PTPN4: variants seen among roughly 807,000 people sequenced by gnomAD.
PTPN4 encodes the protein tyrosine-protein phosphatase non-receptor type 4.
In PTPN4, 49 loss-of-function variants were observed where a neutral mutation model predicts 135.5. The observed-to-expected ratio is 0.36, with a 90% CI of 0.29 to 0.46. PTPN4 has a LOEUF of 0.46. PTPN4 is among the 20% of genes least tolerant of loss of function. PTPN4 has a pLI of 1.00. For synonymous variants in PTPN4, 333 were observed against 369.9 expected (o/e 0.90, Z 1.14); for missense variants, 860 against 1,101.0 (o/e 0.78, Z 3.10).
chr2:119,867,539 A>G (rs917304461), intron 3 of PTPN4, among the ~76,000 whole-genome samples: 4 of 152,156 alleles, frequency 2.6e-5, no homozygotes, highest in East Asian at 3.8e-4. Flanking sequence ...TTCATTTCAA[A>G]TTGTTTATTT....
At chr2:119,823,474 C>G (rs183680024) in intron 2 of PTPN4, among the ~76,000 whole-genome samples, 74 of 152,304 alleles carry the variant, frequency 4.9e-4, no homozygotes, top group Admixed American at 4.6e-3. Flanking sequence ...ACCTCGTGAT[C>G]CACCCGCCTC....
chr2:119,764,735 C>A (rs763087861), intron 1 of PTPN4, among the ~76,000 whole-genome samples: 7 of 150,520 alleles, frequency 4.7e-5, no homozygotes, highest in Non-Finnish European at 1.0e-4. Context: ...TTTGTATTGT[C>A]TTATGAATTT....
chr2:119,778,504 G>C (rs574792012), intron 1 of PTPN4, among the ~76,000 whole-genome samples: 1 of 152,112 alleles, frequency 6.6e-6, no homozygotes, highest in Admixed American at 6.5e-5. Context: ...ACATACTTAC[G>C]TGAATAAACA....
intron 8 of PTPN4, among the ~76,000 whole-genome samples, chr2:119,883,099 T>G (rs1314368986): frequency 2.0e-5 from 3 of 152,146 alleles, no homozygotes; most frequent in Non-Finnish European, 4.4e-5. Flanking sequence ...TTCAGAGAGC[T>G]CTAAAATTTA....
At chr2:119,867,012 A>G (rs1677843071) in intron 3 of PTPN4, among the ~76,000 whole-genome samples, 1 of 152,148 alleles carries the variant, frequency 6.6e-6, no homozygotes, top group African/African-American at 2.4e-5. Context: ...AGAAGTGTTT[A>G]AGAAAGAAGC....
chr2:119,944,986 C>A, intron 15 of PTPN4, 95 bp from the exon 16 acceptor site: 3 of 1,123,034 alleles, frequency 2.7e-6, no homozygotes, highest in South Asian at 3.7e-5. Context: ...GTATTTAGAG[C>A]CTGTCTCCTA....
At chr2:119,822,355 T>TC (rs772960066) in intron 2 of PTPN4, among the ~76,000 whole-genome samples, 1,310 of 112,508 alleles carry the variant, frequency 0.012, 12 homozygotes, top group African/African-American at 0.019. Flanking sequence ...TAGTATCCCC[T>TC]CCCCCCCCCT....
chr2:119,862,678 GT>G (rs925444837), intron 3 of PTPN4, 35 bp downstream of exon 3: 1 of 1,535,668 alleles, frequency 6.5e-7, no homozygotes, highest in African/African-American at 1.4e-5. Flanking sequence ...TTTTCATTTA[GT>G]TTTTCCTCTC....
chr2:119,839,037 A>G (rs537802380), intron 2 of PTPN4, among the ~76,000 whole-genome samples: 112 of 152,258 alleles, frequency 7.4e-4, no homozygotes, highest in Non-Finnish European at 1.2e-3. Flanking sequence ...AACCTGGTGA[A>G]CTTTTATTCA....
At chr2:119,975,995 A>AT (rs1233191532) in intron 26 of PTPN4, among the ~76,000 whole-genome samples, 9 of 97,426 alleles carry the variant, frequency 9.2e-5, no homozygotes, top group South Asian at 3.7e-4. Context: ...TTATTTATTT[A>AT]TTTATTTTTT....
intron 15 of PTPN4, among the ~76,000 whole-genome samples, chr2:119,937,178 A>G (rs1266545659): frequency 2.0e-5 from 3 of 152,358 alleles, no homozygotes; most frequent in Admixed American, 1.3e-4. Context: ...ACAAGATGTT[A>G]TAGATGTTTT....
intron 3 of PTPN4, among the ~76,000 whole-genome samples, chr2:119,875,653 A>T (rs773586175): frequency 4.6e-5 from 7 of 152,178 alleles, no homozygotes; most frequent in Non-Finnish European, 8.8e-5. Flanking sequence ...GTCCTTCAGT[A>T]AATTATTTAT....
At chr2:119,919,587 C>G (rs904734333) in intron 11 of PTPN4, among the ~76,000 whole-genome samples, 1 of 152,126 alleles carries the variant, frequency 6.6e-6, no homozygotes, top group African/African-American at 2.4e-5. Context: ...CTTTGTGAGG[C>G]CAAGGCAGGT....
At chr2:119,950,587 G>C (rs1413033374) in intron 18 of PTPN4, among the ~76,000 whole-genome samples, 1 of 152,032 alleles carries the variant, frequency 6.6e-6, no homozygotes, top group East Asian at 1.9e-4. Flanking sequence ...TATTGACTTT[G>C]TGTTGATAAA....
intron 1 of PTPN4, among the ~76,000 whole-genome samples, chr2:119,780,474 T>A (rs1690916256): frequency 6.6e-6 from 1 of 152,172 alleles, no homozygotes; most frequent in African/African-American, 2.4e-5. Flanking sequence ...CACATTGCAG[T>A]AGGTTGTTTT....
intron 8 of PTPN4, among the ~76,000 whole-genome samples, chr2:119,883,448 G>T (rs1030333413): frequency 6.6e-6 from 1 of 151,984 alleles, no homozygotes; most frequent in Non-Finnish European, 1.5e-5. Flanking sequence ...ATTCAACTTT[G>T]ATTTTTTTGT....
At chr2:119,764,174 T>C (rs1364815651) in intron 1 of PTPN4, among the ~76,000 whole-genome samples, 1 of 152,188 alleles carries the variant, frequency 6.6e-6, no homozygotes, top group Non-Finnish European at 1.5e-5. Context: ...AAAGCACACA[T>C]AAAGGATAGT....
chr2:119,936,281 C>T (rs952483505), intron 15 of PTPN4, among the ~76,000 whole-genome samples: 3 of 152,138 alleles, frequency 2.0e-5, no homozygotes, highest in Admixed American at 6.6e-5. Flanking sequence ...GGATTCCAGG[C>T]GTGAGCCCCC....
intron 2 of PTPN4, among the ~76,000 whole-genome samples, chr2:119,818,144 A>G (rs543947046): frequency 2.0e-5 from 3 of 152,308 alleles, no homozygotes; most frequent in Admixed American, 1.3e-4. Context: ...CTATTTGGAT[A>G]CCATTTTTTT....
Sources: gnomAD v4.1 joint callset for allele counts (sites outside exome capture counted in the v4.1 genomes callset) on GRCh38, gnomAD v4.1.1 for gene constraint, MANE v1.5 for transcripts, NCBI Gene and HGNC (gene_info 2026-07-23, HGNC 2026-07-21) for gene names.